CDH20: variants seen among roughly 807,000 people sequenced by gnomAD.
CDH20 encodes cadherin-20.
Under a neutral mutation model 74.2 loss-of-function variants are expected in CDH20, and 29 were observed. The observed-to-expected ratio is 0.39, with a 90% CI of 0.29 to 0.53. The LOEUF (loss-of-function observed/expected upper bound fraction) is 0.53. Ranked by LOEUF, CDH20 falls within the 20% of genes least tolerant of loss-of-function variation. The probability of loss-of-function intolerance (pLI) is 0.69; values close to 1 mark genes in which losing one functional copy is unlikely to be tolerated. For missense variants in CDH20, 988 were observed against 1,048.3 expected (o/e 0.94, Z 0.79); for synonymous variants, 469 against 405.4 (o/e 1.16, Z -1.88).
intron 7 of CDH20, among the ~76,000 whole-genome samples, chr18:61,535,502 ACGAGATAACACAGG>A (rs898863163): frequency 6.6e-6 from 1 of 152,166 alleles, no homozygotes; most frequent in African/African-American, 2.4e-5. Flanking sequence ...TGGGGACCAG[ACGAGATAACACAGG>A]TGAGATAACA....
chr18:61,450,001 C>T (rs1909327335), intron 1 of CDH20, among the ~76,000 whole-genome samples: 1 of 151,446 alleles, frequency 6.6e-6, no homozygotes, highest in Non-Finnish European at 1.5e-5. Context: ...TGAATACTTA[C>T]TAGGTATCAA....
chr18:61,423,598 T>C (rs74453406), intron 1 of CDH20, among the ~76,000 whole-genome samples: 108 of 152,202 alleles, frequency 7.1e-4, no homozygotes, highest in African/African-American at 2.4e-3. Flanking sequence ...TTTAATTTAA[T>C]AGATCTATGC....
intron 1 of CDH20, among the ~76,000 whole-genome samples, chr18:61,485,836 G>A (rs547984193): frequency 2.0e-5 from 3 of 152,276 alleles, no homozygotes; most frequent in Non-Finnish European, 4.4e-5. Flanking sequence ...CACTTTGGGA[G>A]GCCGAGGTGG....
chr18:61,392,411 G>C (rs1466413403), intron 1 of CDH20, among the ~76,000 whole-genome samples: 1 of 152,240 alleles, frequency 6.6e-6, no homozygotes, highest in South Asian at 2.1e-4. Flanking sequence ...GATACAGGCT[G>C]GCTGTAAAGG....
intron 6 of CDH20, among the ~76,000 whole-genome samples, chr18:61,517,010 C>T (rs117144720): frequency 5.9e-5 from 9 of 152,174 alleles, no homozygotes; most frequent in African/African-American, 1.4e-4. Context: ...TAAAAACTCA[C>T]GCTAGTGCTT....
chr18:61,414,615 C>A (rs1912625048), intron 1 of CDH20, among the ~76,000 whole-genome samples: 2 of 151,826 alleles, frequency 1.3e-5, no homozygotes, highest in African/African-American at 4.8e-5. Flanking sequence ...AGTATAATAT[C>A]CATATAGTAT....
rs1387595162 is a variant in CDH20, at chr18:61,333,732, A to G, written c.-248A>G. ...CAGGGGTGAAGAGACCCAGCGGGGC[A>G]CCAGCCGCCCAGTGGGGGAGGCAGC... is the stretch of plus-strand genomic sequence containing the variant. On this transcript the variant is annotated 5_prime_UTR_variant, in exon 1 of 12. Transcript: ENST00000262717. 6.5e-6 allele frequency: 1 copy of G among 152,884 alleles called. No homozygotes were observed. Among genetic ancestry groups the G allele is most frequent in the Non-Finnish European group, 1.5e-5 (1 of 68,680 alleles). 9.5% of individuals were successfully genotyped at this position (152,884 alleles called of 1,614,324 possible). A position where few individuals can be genotyped will look rare whatever the true frequency, so the allele number is the denominator to read the frequency against.
chr18:61,360,818 G>T (rs1199553391), intron 1 of CDH20, among the ~76,000 whole-genome samples: 1 of 152,228 alleles, frequency 6.6e-6, no homozygotes, highest in Non-Finnish European at 1.5e-5. Context: ...AGACAAAGAA[G>T]TGGGGAACAG....
intron 1 of CDH20, among the ~76,000 whole-genome samples, chr18:61,489,642 G>A (rs666112): frequency 0.99 from 150,559 of 151,888 alleles, 74,638 homozygotes; most frequent in Middle Eastern, 1. Context: ...CAAGAAAGGA[G>A]ATTTGTTGAC....
At chr18:61,335,398 G>A (rs1244125805) in intron 1 of CDH20, among the ~76,000 whole-genome samples, 1 of 152,206 alleles carries the variant, frequency 6.6e-6, no homozygotes, top group African/African-American at 2.4e-5. Context: ...AGCTGGGCGA[G>A]GGTGTGGGAG....
chr18:61,478,018 T>C (rs1411802308), intron 1 of CDH20, among the ~76,000 whole-genome samples: 1 of 152,046 alleles, frequency 6.6e-6, no homozygotes, highest in Non-Finnish European at 1.5e-5. Flanking sequence ...CTGGCCAACA[T>C]GGTGAAACTG....
intron 11 of CDH20, 125 bp downstream of exon 11, chr18:61,550,354 T>C (rs1913390577): frequency 1.2e-5 from 14 of 1,179,764 alleles, no homozygotes; most frequent in Non-Finnish European, 1.6e-5. Context: ...CAAAAGGTGG[T>C]AGAGTGAGGC....
chr18:61,356,796 A>T (rs1258991385), intron 1 of CDH20, among the ~76,000 whole-genome samples: 1 of 152,220 alleles, frequency 6.6e-6, no homozygotes, highest in Non-Finnish European at 1.5e-5. Flanking sequence ...ATTTACAATG[A>T]TGAGGATAAT....
Position 61,413,221 on chromosome 18 carries a change from C to T in CDH20, c.-152-77181C>T, listed in dbSNP as rs148383750. Among the ~76,000 whole-genome samples, 363 of 152,202 alleles carry T rather than the reference C, an allele frequency of 2.4e-3. 1 individual carries two copies. The highest frequency in any genetic ancestry group is 8.2e-3 in the African/African-American group (341 of 41,552). ...CTGTTAATCTCTTATTTTGGGGTTT[C>T]GGAATTCATATGGTGGGATTTATGA... On this transcript the variant is annotated intron_variant, in intron 1 of 11. Coordinates refer to ENST00000262717, the MANE Select transcript of CDH20 (RefSeq NM_031891.4).
At chr18:61,407,776 T>C (rs1177107431) in intron 1 of CDH20, among the ~76,000 whole-genome samples, 2 of 152,222 alleles carry the variant, frequency 1.3e-5, no homozygotes, top group African/African-American at 4.8e-5. Context: ...CCAGTACTTT[T>C]AACAAATGTC....
At chr18:61,486,006 G>A (rs1334899151) in intron 1 of CDH20, among the ~76,000 whole-genome samples, 1 of 152,172 alleles carries the variant, frequency 6.6e-6, no homozygotes. Flanking sequence ...CCGGGAGGCG[G>A]AGCTTGTAGT....
At chr18:61,474,206 C>A (rs1910288782) in intron 1 of CDH20, among the ~76,000 whole-genome samples, 1 of 152,138 alleles carries the variant, frequency 6.6e-6, no homozygotes, top group African/African-American at 2.4e-5. Context: ...GCAACCTGTC[C>A]CAGTTTATGA....
intron 1 of CDH20, among the ~76,000 whole-genome samples, chr18:61,437,256 TG>T (rs1339245983): frequency 6.6e-6 from 1 of 152,162 alleles, no homozygotes; most frequent in African/African-American, 2.4e-5. Flanking sequence ...GGTAGTTCCC[TG>T]GGGGCCTGTC....
chr18:61,451,724 G>T (rs935943031), intron 1 of CDH20, among the ~76,000 whole-genome samples: 2 of 151,124 alleles, frequency 1.3e-5, no homozygotes, highest in Non-Finnish European at 3.0e-5. Flanking sequence ...AATCATGGCT[G>T]AATGTTGACT....
Sources: allele counts gnomAD v4.1 joint callset (sites outside exome capture counted in the v4.1 genomes callset), GRCh38; gene constraint gnomAD v4.1.1; transcripts MANE v1.5; gene names NCBI Gene and HGNC (gene_info 2026-07-23, HGNC 2026-07-21).